Variants in ERBB4 observed in about 807,000 individuals in gnomAD.
The protein encoded by ERBB4 is receptor tyrosine-protein kinase erbB-4.
ERBB4 carries 42 observed loss-of-function variants against 158.0 expected under a neutral mutation model. The ratio of observed to expected loss-of-function variants is 0.27; its 90% CI spans 0.21 to 0.34. The LOEUF (loss-of-function observed/expected upper bound fraction) is 0.34, where lower values mean the gene tolerates loss of function less well. ERBB4 is among the 10% of genes least tolerant of loss of function. The pLI is 1.00. For synonymous variants in ERBB4, 583 were observed against 558.7 expected, an observed-to-expected ratio of 1.04 and a Z score of -0.61; for missense variants, 1,333 against 1,624.1, an observed-to-expected ratio of 0.82 and a Z score of 3.08.
At chr2:211,994,635 T>C (rs1381941350) in intron 2 of ERBB4, among the ~76,000 whole-genome samples, 3 of 152,164 alleles carry the variant, frequency 2.0e-5, no homozygotes, top group Non-Finnish European at 2.9e-5. Flanking sequence ...ATAGTTTTAT[T>C]CCAGACAATA....
At chr2:211,426,555 G>GCAACT (rs1369546485) in intron 22 of ERBB4, among the ~76,000 whole-genome samples, 1 of 152,022 alleles carries the variant, frequency 6.6e-6, no homozygotes, top group Non-Finnish European at 1.5e-5. Flanking sequence ...CTGGGATTTT[G>GCAACT]CAACTCAACA....
At chr2:212,151,284 G>C (rs919444833) in intron 1 of ERBB4, among the ~76,000 whole-genome samples, 3 of 150,064 alleles carry the variant, frequency 2.0e-5, no homozygotes, top group African/African-American at 7.3e-5. Flanking sequence ...ACATTATAGG[G>C]GTTTAATATA....
chr2:212,126,192 G>C (rs1345728064), intron 1 of ERBB4, among the ~76,000 whole-genome samples: 1 of 152,024 alleles, frequency 6.6e-6, no homozygotes, highest in African/African-American at 2.4e-5. Flanking sequence ...GGCTGGGCAT[G>C]GTGGCTCACA....
At chr2:212,103,236 A>G (rs1410010263) in intron 2 of ERBB4, among the ~76,000 whole-genome samples, 1 of 152,016 alleles carries the variant, frequency 6.6e-6, no homozygotes, top group African/African-American at 2.4e-5. Flanking sequence ...TTTCTTCTTC[A>G]TGTTCAGGTA....
intron 2 of ERBB4, among the ~76,000 whole-genome samples, chr2:212,050,606 G>T (rs1009567205): frequency 1.1e-4 from 17 of 152,046 alleles, no homozygotes; most frequent in Non-Finnish European, 1.8e-4. Flanking sequence ...CTGTTCTGCT[G>T]ATATTACTTC....
chr2:211,735,904 G>A (rs981282562), intron 5 of ERBB4, among the ~76,000 whole-genome samples: 20 of 151,886 alleles, frequency 1.3e-4, no homozygotes, highest in African/African-American at 4.8e-4. Flanking sequence ...TGTAATCCCA[G>A]CACTTTGGGA....
intron 3 of ERBB4, among the ~76,000 whole-genome samples, chr2:211,908,501 G>T (rs911780109): frequency 6.6e-6 from 1 of 151,540 alleles, no homozygotes; most frequent in African/African-American, 2.4e-5. Context: ...GGAAAAAATC[G>T]TATATAATTA....
intron 1 of ERBB4, among the ~76,000 whole-genome samples, chr2:212,520,074 T>C (rs1275714281): frequency 8.6e-6 from 1 of 116,874 alleles, no homozygotes; most frequent in Non-Finnish European, 2.0e-5. Flanking sequence ...AAAAGAAACA[T>C]ATATCAGGAT....
chr2:212,456,919 A>G (rs969372490), intron 1 of ERBB4, among the ~76,000 whole-genome samples: 2 of 151,842 alleles, frequency 1.3e-5, no homozygotes, highest in African/African-American at 4.8e-5. Context: ...AATATTCCAT[A>G]TTTTACATGT....
intron 20 of ERBB4, among the ~76,000 whole-genome samples, chr2:211,510,151 C>T (rs1403054836): frequency 1.3e-5 from 2 of 152,088 alleles, no homozygotes; most frequent in Non-Finnish European, 2.9e-5. Context: ...TACTGCAATA[C>T]TATTCACAAT....
intron 19 of ERBB4, among the ~76,000 whole-genome samples, chr2:211,564,541 A>G (rs2125728837): frequency 6.6e-6 from 1 of 152,254 alleles, no homozygotes; most frequent in East Asian, 1.9e-4. Flanking sequence ...AAATTCTCAA[A>G]GTTTTGTTTC....
rs554772975 is a variant in ERBB4, at chr2:212,472,719, CAT to C, written c.82+65728_82+65729del. Among the ~76,000 whole-genome samples the C allele has an allele frequency of 3.9e-3, 592 of 151,876 alleles. 5 individuals carry two copies. The highest frequency in any genetic ancestry group is 0.014 in the African/African-American group (563 of 41,502). ...AAAAATAAATTACTAGAAAAAATGTCATGTGTTTGCATGTTATAACAATGTCA... is the reference window on the plus strand; with the variant it reads ...AAAAATAAATTACTAGAAAAAATGTCGTGTTTGCATGTTATAACAATGTCA... On this transcript the variant is annotated intron_variant, in intron 1 of 27. Coordinates refer to ENST00000342788, the MANE Select transcript of ERBB4 (RefSeq NM_005235.3).
intron 13 of ERBB4, 62 bp from the exon 14 acceptor site, chr2:211,673,319 GT>G (rs2071918229): frequency 8.5e-7 from 1 of 1,178,734 alleles, no homozygotes; most frequent in African/African-American, 1.5e-5. Flanking sequence ...AACAAATGAA[GT>G]AACATCTGCT....
chr2:212,276,140 G>A (rs1332224198), intron 1 of ERBB4, among the ~76,000 whole-genome samples: 3 of 151,690 alleles, frequency 2.0e-5, no homozygotes, highest in African/African-American at 7.3e-5. Context: ...ACAAACAAAA[G>A]ATTTTCCTTA....
chr2:211,605,732 C>T (rs2068958187), intron 19 of ERBB4, among the ~76,000 whole-genome samples: 1 of 151,922 alleles, frequency 6.6e-6, no homozygotes, highest in Non-Finnish European at 1.5e-5. Context: ...TAGAACATGC[C>T]AGAAGTATAA....
At chr2:212,243,169 C>A (rs1451009932) in intron 1 of ERBB4, among the ~76,000 whole-genome samples, 1 of 152,114 alleles carries the variant, frequency 6.6e-6, no homozygotes, top group East Asian at 1.9e-4. Context: ...TCTTCCTTAG[C>A]AGCTAATGTT....
chr2:212,473,926 A>G (rs1689240966), intron 1 of ERBB4, among the ~76,000 whole-genome samples: 1 of 152,164 alleles, frequency 6.6e-6, no homozygotes, highest in Non-Finnish European at 1.5e-5. Context: ...TAATATCCAT[A>G]TTAATCCTGA....
intron 1 of ERBB4, among the ~76,000 whole-genome samples, chr2:212,159,081 G>A (rs1017304414): frequency 6.6e-6 from 1 of 151,930 alleles, no homozygotes; most frequent in African/African-American, 2.4e-5. Flanking sequence ...ACCTTGGAAG[G>A]TTTTTCATCT....
intron 1 of ERBB4, among the ~76,000 whole-genome samples, chr2:212,171,263 T>A (rs1483031195): frequency 1.3e-5 from 2 of 152,072 alleles, no homozygotes; most frequent in Non-Finnish European, 2.9e-5. Context: ...TTTCTCCCAT[T>A]TGGAATGGGA....
Sources: allele counts gnomAD v4.1 joint callset (sites outside exome capture counted in the v4.1 genomes callset), GRCh38; gene constraint gnomAD v4.1.1; transcripts MANE v1.5; gene names NCBI Gene and HGNC (gene_info 2026-07-23, HGNC 2026-07-21).